AGBL5: variants seen among roughly 807,000 people sequenced by gnomAD.
AGBL5 encodes the protein AGBL carboxypeptidase 5.
Under a neutral mutation model 88.0 loss-of-function variants are expected in AGBL5, and 51 were observed. That is an observed-to-expected ratio of 0.58 (90% CI 0.46 to 0.73). The LOEUF is 0.73. AGBL5 is among the 30% of genes least tolerant of loss of function. AGBL5 has a pLI of 0.00. For missense variants in AGBL5, 1,031 were observed against 1,162.2 expected, an observed-to-expected ratio of 0.89 and a Z score of 1.64; for synonymous variants, 446 against 438.8, an observed-to-expected ratio of 1.02 and a Z score of -0.21.
At position 27,070,397 on chromosome 2, in the gene AGBL5, G is replaced by T; in HGVS notation, c.*134G>T. 1.1e-6 allele frequency: 1 copy of T among 895,620 alleles called. No homozygotes were observed. Among genetic ancestry groups the T allele is most frequent in the Admixed American group, 2.3e-5 (1 of 44,024 alleles). 55.5% of individuals were successfully genotyped at this position (895,620 alleles called of 1,614,324 possible). A position where few individuals can be genotyped will look rare whatever the true frequency, so the allele number is the denominator to read the frequency against. ...TTGGAATGCCAGCCACGCTGTCCAA[G>T]GCATTACAGAGTATCACCTTGAGAC... is the stretch of plus-strand genomic sequence containing the variant. On this transcript the variant is annotated 3_prime_UTR_variant, in exon 15 of 15. Coordinates refer to ENST00000360131, the MANE Select transcript of AGBL5 (RefSeq NM_021831.6).
chr2:27,060,010 A>G (rs1211808993), intron 11 of AGBL5, among the ~76,000 whole-genome samples: 1 of 152,200 alleles, frequency 6.6e-6, no homozygotes, highest in African/African-American at 2.4e-5. Flanking sequence ...TGAGCCAGGC[A>G]TGGTGGTGCA....
In AGBL5 at chr2:27,059,290, C is replaced by A. The variant is rs961480302; in HGVS notation, c.1975C>A (p.Pro659Thr). 6.2e-7 allele frequency: 1 copy of A among 1,614,254 alleles called. No homozygotes were observed. ...TAGCAGCAGCAGCCAACAAAATTCTCCACAGATGAAGAATTCCCCCAGCTT... is the reference window on the plus strand; with the variant it reads ...TAGCAGCAGCAGCCAACAAAATTCTACACAGATGAAGAATTCCCCCAGCTT... Reference protein sequence around the residue: ...GGSSSSQQNSPQMKNSPSFPF... With the variant: ...GGSSSSQQNSTQMKNSPSFPF... Residue 659 changes from proline to threonine, a missense_variant, in exon 11 of 15, where the codon CCA becomes ACA. Physicochemically the swap from Pro to Thr is conservative, Grantham distance 38 (BLOSUM62 -1). Coordinates refer to ENST00000360131, the MANE Select transcript of AGBL5 (RefSeq NM_021831.6).
At chr2:27,054,539 C>CAGATTTTA (rs1668331742) in intron 4 of AGBL5, 91 bp from the exon 5 acceptor site, 15 of 1,297,880 alleles carry the variant, frequency 1.2e-5, no homozygotes, top group Admixed American at 2.1e-5. Flanking sequence ...GGGTGAAGGA[C>CAGATTTTA]CAGATTTTAC....
At position 27,052,752 on chromosome 2, in the gene AGBL5, G is replaced by T. The variant is rs537224990; in HGVS notation, c.-46-161G>T. ...GGGGTACAGAATGCTGCTTTCTCTT[G>T]GCCTTTGCTGGAAGACCACTTCTAT... On this transcript the variant is annotated intron_variant, in intron 1 of 14. Coordinates refer to ENST00000360131, the MANE Select transcript of AGBL5 (RefSeq NM_021831.6). Among the ~76,000 whole-genome samples the T allele has an allele frequency of 5.3e-5, 8 of 152,284 alleles. No homozygotes were observed. The East Asian group carries it at 1.5e-3, about 29-fold the overall frequency.
chr2:27,054,866 T>G, intron 5 of AGBL5, 59 bp downstream of exon 5: 2 of 1,570,716 alleles, frequency 1.3e-6, no homozygotes, highest in Non-Finnish European at 8.6e-7. Flanking sequence ...AGGTACTGTT[T>G]ATAGCTAAAG....
At chr2:27,051,207 A>G (rs1004657255), upstream of AGBL5, among the ~76,000 whole-genome samples, 7 of 152,186 alleles carry the variant, frequency 4.6e-5, no homozygotes, top group African/African-American at 1.4e-4. Context: ...AGAACTAAGC[A>G]GCAGGCGGGG....
chr2:27,054,410 C>A, intron 4 of AGBL5: 1 of 583,962 alleles, frequency 1.7e-6, no homozygotes, highest in Non-Finnish European at 3.0e-6. Context: ...TTCTAGGAAG[C>A]CACAAACTGG....
intron 11 of AGBL5, among the ~76,000 whole-genome samples, chr2:27,066,449 A>G (rs1157379391): frequency 1.3e-5 from 2 of 152,162 alleles, no homozygotes; most frequent in Non-Finnish European, 2.9e-5. Flanking sequence ...CCAGTGGACA[A>G]TTAGAGCTGG....
Position 27,054,631 on chromosome 2 carries a change from C to T in AGBL5, c.553C>T (p.Pro185Ser), listed in dbSNP as rs185431140. ...FPENHPTHSS[P>S]LDTIYYHREL... Reference sequence around the variant, plus strand: ...GGCTTAATTTTTTTTTCCCTGTAGCCCCCTGGATACCATCTATTACCATCG... The same window carrying T: ...GGCTTAATTTTTTTTTCCCTGTAGCTCCCTGGATACCATCTATTACCATCG... The change falls in exon 5 of 15, where the codon CCC becomes TCC. Residue 185 changes from proline to serine, a missense_variant and splice_region_variant. Transcript: ENST00000360131. The T allele has an allele frequency of 7.3e-5, 118 of 1,612,514 alleles. 1 individual carries two copies. Among genetic ancestry groups the T allele is most frequent in the South Asian group, 3.6e-4 (33 of 90,776 alleles).
chr2:27,053,544 GAACGC>G lies in AGBL5; in HGVS notation c.360_364del (p.Glu120AspfsTer8). On this transcript the variant is annotated frameshift_variant, in exon 3 of 15. Transcript: ENST00000360131. LOFTEE classifies it high-confidence loss of function. This position sits in a 1 kb window ranked among gnomAD's most constrained non-coding sequence, Gnocchi z 4.9. ...CACACTGCCCACCCGGCCACGCTGG[GAACGC>G]ATTCGAGACCGGCCCACCTTTGAGG... is the stretch of plus-strand genomic sequence containing the variant. The G allele has an allele frequency of 6.2e-7, 1 of 1,613,748 alleles. No individual in the cohort carries two copies. The highest frequency in any genetic ancestry group is 8.5e-7 in the Non-Finnish European group (1 of 1,179,910).
intron 8 of AGBL5, 199 bp downstream of exon 8, chr2:27,056,991 C>T (rs890528022): frequency 2.8e-5 from 16 of 562,448 alleles, no homozygotes; most frequent in Middle Eastern, 4.8e-4. Context: ...AGCGAAACTC[C>T]GTCTCAAAAA....
At chr2:27,054,941 C>T (rs963874726) in intron 5 of AGBL5, 134 bp downstream of exon 5, 1 of 1,481,914 alleles carries the variant, frequency 6.7e-7, no homozygotes, top group African/African-American at 1.4e-5. Context: ...GGGTGATGGC[C>T]CCTGCTCCAC....
chr2:27,067,395 C>T, intron 11 of AGBL5, 99 bp from the exon 12 acceptor site: 1 of 1,215,778 alleles, frequency 8.2e-7, no homozygotes, highest in Non-Finnish European at 1.2e-6. Flanking sequence ...AGCTTGAAAA[C>T]TGGCATCTTT....
chr2:27,055,952 G>A lies in AGBL5; in HGVS notation c.1179G>A (p.Glu393=). ...RHNAEAWKQT[E]PAEQKLNSVW... is the part of the protein sequence containing the mutation. ...ACGCTGAAGCCTGGAAACAAACAGAGCCAGCAGAACAGAAGCTCAACAGTG... is the reference window on the plus strand; with the variant it reads ...ACGCTGAAGCCTGGAAACAAACAGAACCAGCAGAACAGAAGCTCAACAGTG... The change falls in exon 7 of 15, where the codon GAG becomes GAA. Residue 393 remains glutamate, a synonymous_variant. Transcript: ENST00000360131. 2 of 1,614,236 alleles carry A rather than the reference G, an allele frequency of 1.2e-6. No individual in the cohort carries two copies. The highest frequency in any genetic ancestry group is 1.7e-5 in the Admixed American group (1 of 60,022).
chr2:27,069,532 T>A (rs1364210759), intron 13 of AGBL5, 41 bp from the exon 14 acceptor site: 2 of 1,595,168 alleles, frequency 1.3e-6, no homozygotes, highest in Non-Finnish European at 1.7e-6. Context: ...AAAAAACTCA[T>A]GGAAGAATCC....
chr2:27,059,227 C>A lies in AGBL5; in HGVS notation c.1912C>A (p.Arg638=), dbSNP rs775595367. Residue 638 remains arginine, a synonymous_variant, in exon 11 of 15, where the codon CGG becomes AGG. Coordinates refer to ENST00000360131, the MANE Select transcript of AGBL5 (RefSeq NM_021831.6). ...PVSCSENTLS[R]ARSFSTGTSA... Reference sequence around the variant, plus strand: ...CTCCTGCTCCGAAAACACCTTGAGTCGGGCACGAAGTTTTAGCACCGGCAC... The same window carrying A: ...CTCCTGCTCCGAAAACACCTTGAGTAGGGCACGAAGTTTTAGCACCGGCAC... 1.2e-6 allele frequency: 2 copies of A among 1,613,962 alleles called. No individual in the cohort carries two copies. Among genetic ancestry groups the A allele is most frequent in the Non-Finnish European group, 1.7e-6 (2 of 1,179,994 alleles).
Position 27,063,840 on chromosome 2 carries a change from C to A in AGBL5, c.2090-3654C>A, listed in dbSNP as rs144409615. Among the ~76,000 whole-genome samples, 1,454 of 152,262 alleles carry A rather than the reference C, an allele frequency of 9.5e-3. 7 individuals are homozygous for A. Among genetic ancestry groups the A allele is most frequent in the Non-Finnish European group, 0.016 (1,112 of 68,016 alleles). Reference sequence around the variant, plus strand: ...CAGTCTCCCCTCAGACCTCTTAGACCTTTGCCCAGTACTATCCTACCACCC... The same window carrying A: ...CAGTCTCCCCTCAGACCTCTTAGACATTTGCCCAGTACTATCCTACCACCC... On this transcript the variant is annotated intron_variant, in intron 11 of 14. Transcript: ENST00000360131.
At chr2:27,050,775 A>T (rs557585359), upstream of AGBL5, among the ~76,000 whole-genome samples, 1 of 143,868 alleles carries the variant, frequency 7.0e-6, no homozygotes, top group Admixed American at 6.9e-5. Flanking sequence ...ATCTTATCGC[A>T]GCGGAGCCTT....
chr2:27,056,151 A>T lies in AGBL5; in HGVS notation c.1365+13A>T. On this transcript the variant is annotated intron_variant, in intron 7 of 14. Transcript: ENST00000360131. ...TGAGAGCACCCAGGTGGGAATCCTA[A>T]GAATGTCATGTGAGTGTGAGAAGTG... The T allele has an allele frequency of 1.9e-6, 3 of 1,604,748 alleles. No individual in the cohort carries two copies. Among genetic ancestry groups the T allele is most frequent in the Middle Eastern group, 3.3e-4 (2 of 6,040 alleles).
Sources: gnomAD v4.1 joint callset for allele counts (sites outside exome capture counted in the v4.1 genomes callset) on GRCh38, gnomAD v4.1.1 for gene constraint, Gnocchi (gnomAD v3.1) non-coding constraint, MANE v1.5 for transcripts, NCBI Gene and HGNC (gene_info 2026-07-23, HGNC 2026-07-21) for gene names.